The following YLPM1 variants were observed in gnomAD, a reference collection of about 807,000 sequenced individuals.
YLPM1 encodes YLP motif containing 1.
YLPM1 carries 99 observed loss-of-function variants against 230.0 expected under a neutral mutation model. That is an observed-to-expected ratio of 0.43 (90% CI 0.37 to 0.51). The LOEUF (loss-of-function observed/expected upper bound fraction) is 0.51, where lower values mean the gene tolerates loss of function less well. Ranked by LOEUF, YLPM1 falls within the 20% of genes least tolerant of loss-of-function variation. YLPM1 has a pLI of 0.00. For synonymous variants in YLPM1, 984 were observed against 942.5 expected (o/e 1.04, Z -0.81); for missense variants, 2,592 against 2,707.7 (o/e 0.96, Z 0.95).
intron 6 of YLPM1, among the ~76,000 whole-genome samples, chr14:74,806,805 G>GTT (rs796223587): frequency 7.1e-6 from 1 of 140,594 alleles, no homozygotes; most frequent in Non-Finnish European, 1.6e-5. Flanking sequence ...TTTGAGTCAG[G>GTT]TTTTTTTTTT....
chr14:74,835,086 A>G, intron 19 of YLPM1, 179 bp from the exon 20 acceptor site: 1 of 712,564 alleles, frequency 1.4e-6, no homozygotes, highest in Non-Finnish European at 2.2e-6. Context: ...TTGTCCAGAG[A>G]GTTTTCTCTT....
chr14:74,781,949 C>A lies in YLPM1; in HGVS notation c.1906C>A (p.Pro636Thr), dbSNP rs45617140. 1.9e-6 allele frequency: 3 copies of A among 1,613,506 alleles called. No individual in the cohort carries two copies. Among genetic ancestry groups the A allele is most frequent in the Non-Finnish European group, 2.5e-6 (3 of 1,179,708 alleles). The change falls in exon 4 of 21, where the codon CCT becomes ACT. Residue 636 changes from proline (P) to threonine (T), a missense_variant. Transcript: ENST00000325680. The part of the protein sequence containing the change: ...SATPPPGIPP[P>T]GVPQGIPPQL... Reference sequence around the variant, plus strand: ...TACACCTCCTCCAGGAATACCTCCCCCTGGAGTTCCACAAGGGATACCTCC... The same window carrying A: ...TACACCTCCTCCAGGAATACCTCCCACTGGAGTTCCACAAGGGATACCTCC...
intron 4 of YLPM1, among the ~76,000 whole-genome samples, chr14:74,783,310 C>T (rs2091113882): frequency 6.6e-6 from 1 of 152,108 alleles, no homozygotes; most frequent in African/African-American, 2.4e-5. Context: ...CTCAAGCGAT[C>T]CTCCTGCCTT....
rs1182874744 is a variant in YLPM1 at position 74,763,325 on chromosome 14, C to T, written c.-165C>T. 1.3e-5 allele frequency: 10 copies of T among 749,364 alleles called. No individual in the cohort carries two copies. In the East Asian group the frequency reaches 2.7e-4, roughly 20 times the overall value. 46.4% of individuals were successfully genotyped at this position (749,364 alleles called of 1,614,324 possible). ...CAAGTCGCGTCCCCGCCTTCCCGGT[C>T]GCGGGCCCAGCTCGGGAGCGCCGGC... On this transcript the variant is annotated 5_prime_UTR_variant, in exon 1 of 21. Coordinates refer to ENST00000325680, the MANE Select transcript of YLPM1 (RefSeq NM_019589.3).
rs150425354 is a variant in YLPM1 at position 74,837,034 on chromosome 14, T to G, written c.*1296T>G. The G allele has an allele frequency of 6.6e-6, 1 of 152,356 alleles. No homozygotes were observed. Among genetic ancestry groups the G allele is most frequent in the African/African-American group, 2.4e-5 (1 of 41,590 alleles). The allele number at this position is 152,356 out of a possible 1,614,324, so 9.4% of individuals were successfully genotyped here. On this transcript the variant is annotated 3_prime_UTR_variant, in exon 21 of 21. Transcript: ENST00000325680. ...CTGAAGACTTCAATATTTTGAAATA[T>G]TCTCTTTCAGGCCACAGATGAAAAT...
intron 4 of YLPM1, among the ~76,000 whole-genome samples, chr14:74,783,591 C>G (rs547054883): frequency 6.6e-6 from 1 of 152,202 alleles, no homozygotes; most frequent in Non-Finnish European, 1.5e-5. Flanking sequence ...ATTTTTCCAC[C>G]AATCTGCGTA....
At chr14:74,802,091 G>A (rs2091332319) in intron 5 of YLPM1, among the ~76,000 whole-genome samples, 1 of 151,982 alleles carries the variant, frequency 6.6e-6, no homozygotes, top group African/African-American at 2.4e-5. Context: ...GGTGGTGCAT[G>A]CCTGTAGACC....
At chr14:74,778,325 AG>A in intron 1 of YLPM1, 121 bp from the exon 2 acceptor site, 1 of 817,746 alleles carries the variant, frequency 1.2e-6, no homozygotes, top group East Asian at 2.7e-5. Context: ...TCCTCAGTCT[AG>A]CTTTGCCTTT....
chr14:74,824,101 A>G (rs369469308), intron 17 of YLPM1, 155 bp from the exon 18 acceptor site: 8 of 678,964 alleles, frequency 1.2e-5, no homozygotes, highest in East Asian at 1.2e-4. Flanking sequence ...AGTTTCTTCA[A>G]AGATAATGAG....
intron 3 of YLPM1, among the ~76,000 whole-genome samples, chr14:74,781,133 T>C (rs903182225): frequency 1.5e-4 from 23 of 152,178 alleles, no homozygotes; most frequent in Middle Eastern, 3.2e-3. Context: ...TTTCCAACTC[T>C]GTAGTAAGTT....
chr14:74,828,675 T>C (rs1033504749), intron 18 of YLPM1, among the ~76,000 whole-genome samples: 3 of 152,104 alleles, frequency 2.0e-5, no homozygotes, highest in Non-Finnish European at 4.4e-5. Context: ...TTCATGAACA[T>C]TAATTCATGG....
chr14:74,820,533 C>T (rs2091512904), intron 16 of YLPM1, among the ~76,000 whole-genome samples: 1 of 152,156 alleles, frequency 6.6e-6, no homozygotes, highest in African/African-American at 2.4e-5. Flanking sequence ...TAGGCGTGAG[C>T]CACTGTGCCC....
At chr14:74,776,570 G>A (rs942914199) in intron 1 of YLPM1, among the ~76,000 whole-genome samples, 2 of 152,160 alleles carry the variant, frequency 1.3e-5, no homozygotes, top group Non-Finnish European at 2.9e-5. Context: ...AAGCACAAAA[G>A]TTTGACAAAT....
At chr14:74,800,715 G>A (rs2287406) in intron 5 of YLPM1, among the ~76,000 whole-genome samples, 4,465 of 152,278 alleles carry the variant, frequency 0.029, 151 homozygotes, top group African/African-American at 0.079. Context: ...ATGGTCTATA[G>A]CTAAGAGGTT....
In YLPM1 at chr14:74,799,284, A is replaced by G; in HGVS notation, c.3987A>G (p.Pro1329=). 1 of 1,614,014 alleles carries G rather than the reference A, an allele frequency of 6.2e-7. No homozygotes were observed. The highest frequency in any genetic ancestry group is 8.5e-7 in the Non-Finnish European group (1 of 1,179,884). The change falls in exon 5 of 21, where the codon CCA becomes CCG. Residue 1329 remains proline, a synonymous_variant. Coordinates refer to ENST00000325680, the MANE Select transcript of YLPM1 (RefSeq NM_019589.3). ...CACAGTTTCGTGAACGGGATATTCCATCTCTTCCACCTTTACCGCCCCTCC... is the reference window on the plus strand; with the variant it reads ...CACAGTTTCGTGAACGGGATATTCCGTCTCTTCCACCTTTACCGCCCCTCC... ...QESQFRERDI[P]SLPPLPPLPP... is the part of the protein sequence containing the mutation.
chr14:74,764,404 G>T (rs763263507), intron 1 of YLPM1, 42 bp downstream of exon 1: 2 of 1,534,904 alleles, frequency 1.3e-6, no homozygotes, highest in Non-Finnish European at 1.8e-6. Flanking sequence ...CACCTAGAGG[G>T]CCCTGAATGA....
At chr14:74,823,343 T>C (rs993009699) in intron 17 of YLPM1, among the ~76,000 whole-genome samples, 2 of 152,118 alleles carry the variant, frequency 1.3e-5, no homozygotes, top group Non-Finnish European at 2.9e-5. Context: ...TATTAACATT[T>C]CTGTATGTTA....
intron 16 of YLPM1, among the ~76,000 whole-genome samples, chr14:74,819,083 A>G (rs372215822): frequency 1.8e-4 from 27 of 152,068 alleles, no homozygotes; most frequent in South Asian, 1.7e-3. Context: ...AAATTTTTCT[A>G]CCTTTTTCTC....
chr14:74,764,454 AAC>A, intron 1 of YLPM1, 92 bp downstream of exon 1: 1 of 1,409,582 alleles, frequency 7.1e-7, no homozygotes, highest in Non-Finnish European at 9.4e-7. Flanking sequence ...GTCTAATTCC[AAC>A]ACACAATGAC....
Sources: allele counts gnomAD v4.1 joint callset (sites outside exome capture counted in the v4.1 genomes callset), GRCh38; gene constraint gnomAD v4.1.1; transcripts MANE v1.5; gene names NCBI Gene and HGNC (gene_info 2026-07-23, HGNC 2026-07-21).